Variants in CLUL1 observed in about 807,000 individuals in gnomAD.
The protein encoded by CLUL1 is clusterin-like protein 1.
CLUL1 carries 43 observed loss-of-function variants against 49.4 expected under a neutral mutation model. The observed-to-expected ratio is 0.87, with a 90% CI of 0.68 to 1.12. The LOEUF (loss-of-function observed/expected upper bound fraction) is 1.12. Among genes scored for constraint, CLUL1 ranks in the 50% most tolerant of loss-of-function variants. The probability of loss-of-function intolerance (pLI) is 0.00; values close to 1 mark genes in which losing one functional copy is unlikely to be tolerated. For synonymous variants in CLUL1, 192 were observed against 184.9 expected, an observed-to-expected ratio of 1.04 and a Z score of -0.31; for missense variants, 486 against 544.4, an observed-to-expected ratio of 0.89 and a Z score of 1.07.
chr18:613,297 C>T (rs2073195156), intron 2 of CLUL1: 1 of 384,558 alleles, frequency 2.6e-6, no homozygotes, highest in East Asian at 3.8e-5. Context: ...TGCCACCACA[C>T]CCAGCTAATT....
rs2072982095 is a variant in CLUL1 at position 606,694 on chromosome 18, A to T, written c.-135-284A>T. Among the ~76,000 whole-genome samples the T allele has an allele frequency of 6.6e-6, 1 of 152,220 alleles. No homozygotes were observed. The highest frequency in any genetic ancestry group is 2.1e-4 in the South Asian group (1 of 4,836). ...CTATTGGAGTCTTCTCAAATGAAAG[A>T]GATTTTATCAAAGGCTTGGAGAAGA... On this transcript the variant is annotated intron_variant, in intron 1 of 9. Transcript: ENST00000692774. The surrounding 1 kb of genome is among the most constrained non-coding windows in gnomAD (Gnocchi z 4.1).
chr18:599,897 G>A (rs1356598249), intron 1 of CLUL1, among the ~76,000 whole-genome samples: 4 of 150,524 alleles, frequency 2.7e-5, no homozygotes, highest in Admixed American at 2.0e-4. Context: ...GCAGTGAGCC[G>A]AGATCGCGCC....
At chr18:637,543 C>A (rs1402870832) in intron 7 of CLUL1, among the ~76,000 whole-genome samples, 4 of 152,156 alleles carry the variant, frequency 2.6e-5, no homozygotes, top group Non-Finnish European at 5.9e-5. Flanking sequence ...CACCTCTACC[C>A]CACCTTAGAA....
chr18:642,400 C>G (rs957828439), intron 8 of CLUL1, among the ~76,000 whole-genome samples: 2 of 152,106 alleles, frequency 1.3e-5, no homozygotes, highest in African/African-American at 4.8e-5. Context: ...CCACTGCACT[C>G]CAGCCTGGGC....
At position 607,208 on chromosome 18, in the gene CLUL1, A is replaced by G. The variant is rs1353604562; in HGVS notation, c.-14+109A>G. ...AGTGACACGATCTCAGCTCACTGCA[A>G]CTTCTGCCTCCCAGATTTAAGGGTT... On this transcript the variant is annotated intron_variant, in intron 2 of 9. Coordinates refer to ENST00000692774, the MANE Select transcript of CLUL1 (RefSeq NM_001393344.1). 8.4e-5 allele frequency: 55 copies of G among 653,994 alleles called. 1 individual carries two copies. In the Admixed American group the frequency reaches 1.2e-3, roughly 14 times the overall value. 40.5% of individuals were successfully genotyped at this position (653,994 alleles called of 1,614,324 possible). A position where few individuals can be genotyped will look rare whatever the true frequency, so the allele number is the denominator to read the frequency against.
rs552236804 is a variant in CLUL1 at position 615,586 on chromosome 18, A to G, written c.-13-2402A>G. ...ACAATTTCCTATGACCAACTTTTCC[A>G]GGACTCTGCTCTGCTCTTCCTGAGA... On this transcript the variant is annotated intron_variant, in intron 2 of 9. Coordinates refer to ENST00000692774, the MANE Select transcript of CLUL1 (RefSeq NM_001393344.1). Among the ~76,000 whole-genome samples the G allele has an allele frequency of 5.9e-5, 9 of 152,334 alleles. No individual in the cohort carries two copies. In the South Asian group the frequency reaches 1.9e-3, roughly 32 times the overall value.
chr18:616,348 G>C (rs476590), intron 2 of CLUL1, among the ~76,000 whole-genome samples: 2 of 152,172 alleles, frequency 1.3e-5, no homozygotes, highest in African/African-American at 4.8e-5. Flanking sequence ...TACACTTTTC[G>C]AACTGTTTTA....
At chr18:638,567 G>A (rs1471418287) in intron 7 of CLUL1, among the ~76,000 whole-genome samples, 1 of 152,100 alleles carries the variant, frequency 6.6e-6, no homozygotes, top group Non-Finnish European at 1.5e-5. Context: ...TATAAAGAAT[G>A]ATGTAATAGG....
intron 7 of CLUL1, among the ~76,000 whole-genome samples, chr18:635,839 C>G (rs111592735): frequency 6.6e-6 from 1 of 152,006 alleles, no homozygotes; most frequent in Non-Finnish European, 1.5e-5. Flanking sequence ...TGAGTTCAAG[C>G]GATTCTGCTG....
intron 2 of CLUL1, chr18:613,314 T>C (rs2073195701): frequency 3.1e-5 from 11 of 353,594 alleles, no homozygotes; most frequent in Non-Finnish European, 5.6e-5. Context: ...AATTTTTGTA[T>C]TTTTAGTAAA....
intron 1 of CLUL1, chr18:598,299 A>T (rs553457588): frequency 2.7e-6 from 1 of 365,512 alleles, no homozygotes; most frequent in Admixed American, 4.6e-5. Context: ...AAAATCACTT[A>T]AACTTTGCGT....
Position 633,434 on chromosome 18 carries a change from A to G in CLUL1, c.993A>G (p.Glu331=). The change falls in exon 7 of 10, where the codon GAA becomes GAG. Residue 331 remains glutamate, a splice_region_variant and synonymous_variant. Coordinates refer to ENST00000692774, the MANE Select transcript of CLUL1 (RefSeq NM_001393344.1). ...AAAAATGTCAGGCTCACCTATCTGAAGGTAAATAATTGCTATTTTGTTTTT... is the reference window on the plus strand; with the variant it reads ...AAAAATGTCAGGCTCACCTATCTGAGGGTAAATAATTGCTATTTTGTTTTT... The part of the protein sequence containing the change: ...KCQKCQAHLS[E]DCPDVPALHT... The G allele has an allele frequency of 6.2e-7, 1 of 1,612,112 alleles. No homozygotes were observed. The highest frequency in any genetic ancestry group is 8.5e-7 in the Non-Finnish European group (1 of 1,178,904).
chr18:600,323 T>C (rs533247507), intron 1 of CLUL1, among the ~76,000 whole-genome samples: 1 of 152,220 alleles, frequency 6.6e-6, no homozygotes, highest in Admixed American at 6.5e-5. Flanking sequence ...GGAGTTTATC[T>C]GGCTCAAGAC....
chr18:613,292 C>T, intron 2 of CLUL1: 2 of 391,046 alleles, frequency 5.1e-6, no homozygotes, highest in Non-Finnish European at 9.1e-6. Context: ...GTGCGTGCCA[C>T]CACACCCAGC....
chr18:641,213 A>C (rs2144175847), intron 7 of CLUL1, 114 bp from the exon 8 acceptor site: 1 of 781,546 alleles, frequency 1.3e-6, no homozygotes, highest in Non-Finnish European at 2.1e-6. Flanking sequence ...ACTAAAAACT[A>C]CCACAGGCAA....
chr18:613,937 A>T lies in CLUL1; in HGVS notation c.-13-4051A>T, dbSNP rs139538063. On this transcript the variant is annotated intron_variant, in intron 2 of 9. Coordinates refer to ENST00000692774, the MANE Select transcript of CLUL1 (RefSeq NM_001393344.1). ...TCAAATCATTTCGTACATTCCAGCT[A>T]TGTACGAGAGCTTGGTGAGAATATG... is the stretch of plus-strand genomic sequence containing the variant. 4.9e-3 allele frequency among the ~76,000 whole-genome samples: 746 copies of T among 152,312 alleles called. 7 individuals are homozygous for T. The highest frequency in any genetic ancestry group is 0.017 in the African/African-American group (722 of 41,564).
At chr18:634,524 C>T (rs2074087545) in intron 7 of CLUL1, among the ~76,000 whole-genome samples, 1 of 152,022 alleles carries the variant, frequency 6.6e-6, no homozygotes, top group South Asian at 2.1e-4. Context: ...TGATTAATGA[C>T]CAAACACTAT....
chr18:607,085 G>A lies in CLUL1; in HGVS notation c.-28G>A. ...GACCCTCCTACCTCAGCCCCATGAG[G>A]ACCTGGGACTACAGGTATGCACCGC... On this transcript the variant is annotated 5_prime_UTR_variant, in exon 2 of 10. Coordinates refer to ENST00000692774, the MANE Select transcript of CLUL1 (RefSeq NM_001393344.1). 1.4e-6 allele frequency: 1 copy of A among 701,780 alleles called. No homozygotes were observed. Among genetic ancestry groups the A allele is most frequent in the Non-Finnish European group, 2.6e-6 (1 of 384,656 alleles). 43.5% of individuals were successfully genotyped at this position (701,780 alleles called of 1,614,324 possible).
At chr18:629,099 C>G (rs1335407067) in intron 6 of CLUL1, among the ~76,000 whole-genome samples, 2 of 152,296 alleles carry the variant, frequency 1.3e-5, no homozygotes, top group Middle Eastern at 3.4e-3. Flanking sequence ...AGCTAGGAAA[C>G]AGTGCATTAC....
Sources: allele counts gnomAD v4.1 joint callset (sites outside exome capture counted in the v4.1 genomes callset), GRCh38; gene constraint gnomAD v4.1.1; non-coding constraint Gnocchi (gnomAD v3.1); transcripts MANE v1.5; gene names NCBI Gene and HGNC (gene_info 2026-07-23, HGNC 2026-07-21).